COL13A1: variants seen among roughly 807,000 people sequenced by gnomAD.
The protein encoded by COL13A1 is collagen alpha-1(XIII) chain.
Under a neutral mutation model 130.9 loss-of-function variants are expected in COL13A1, and 89 were observed. The ratio of observed to expected loss-of-function variants is 0.68; its 90% CI spans 0.57 to 0.81. The LOEUF is 0.81. Ranked by LOEUF, COL13A1 falls within the 30% of genes least tolerant of loss-of-function variation. The pLI is 0.00. For synonymous variants in COL13A1, 402 were observed against 341.6 expected, an observed-to-expected ratio of 1.18 and a Z score of -1.95; for missense variants, 879 against 934.6, an observed-to-expected ratio of 0.94 and a Z score of 0.78.
chr10:69,854,918 C>T (rs1480580062), intron 2 of COL13A1, among the ~76,000 whole-genome samples: 3 of 152,132 alleles, frequency 2.0e-5, no homozygotes, highest in Non-Finnish European at 4.4e-5. Flanking sequence ...GGGTACTGTA[C>T]AGCTTTGTCA....
In COL13A1 at chr10:69,919,741, T is replaced by A. The variant is rs2064382908; in HGVS notation, c.1089+14T>A. On this transcript the variant is annotated intron_variant, in intron 21 of 40. Coordinates refer to ENST00000645393, the MANE Select transcript of COL13A1 (RefSeq NM_001368882.1). ...AGGGGGCAGAGGGTAGGATATCGTG[T>A]ATTTGAGTGTGTGCCCCTTCATCCT... is the stretch of plus-strand genomic sequence containing the variant. 2 of 398,582 alleles carry A rather than the reference T, an allele frequency of 5.0e-6. No homozygotes were observed. The highest frequency in any genetic ancestry group is 8.8e-6 in the Non-Finnish European group (2 of 226,146). 24.7% of individuals were successfully genotyped at this position (398,582 alleles called of 1,614,324 possible). A position where few individuals can be genotyped will look rare whatever the true frequency, so the allele number is the denominator to read the frequency against.
chr10:69,850,728 A>G (rs1854538366), intron 2 of COL13A1, among the ~76,000 whole-genome samples: 1 of 134,980 alleles, frequency 7.4e-6, no homozygotes, highest in Admixed American at 7.7e-5. Context: ...AGGGGAGGGG[A>G]AGAGAGAGAA....
intron 2 of COL13A1, chr10:69,860,835 T>C (rs547647198): frequency 1.2e-5 from 2 of 169,942 alleles, no homozygotes; most frequent in South Asian, 1.9e-4. Flanking sequence ...CTCTGCCTGC[T>C]CAAACTGTCT....
At position 69,825,344 on chromosome 10, in the gene COL13A1, CAGA is replaced by C. The variant is rs1308660023; in HGVS notation, c.364+2909_364+2911del. ...ACAACTTTAAGGCTCCTGATCCTTG[CAGA>C]AGGACTCATACAATTGTCAAGTGCC... On this transcript the variant is annotated intron_variant, in intron 2 of 40. Coordinates refer to ENST00000645393, the MANE Select transcript of COL13A1 (RefSeq NM_001368882.1). 2.6e-5 allele frequency among the ~76,000 whole-genome samples: 4 copies of C among 152,326 alleles called. No homozygotes were observed. The East Asian group carries it at 7.7e-4, about 29-fold the overall frequency.
At chr10:69,839,546 GC>G (rs1220028501) in intron 2 of COL13A1, among the ~76,000 whole-genome samples, 4 of 152,308 alleles carry the variant, frequency 2.6e-5, no homozygotes, top group African/African-American at 7.2e-5. Flanking sequence ...GACAAGGGGA[GC>G]CCACCACGCA....
chr10:69,884,613 T>C (rs1210869725), intron 7 of COL13A1, among the ~76,000 whole-genome samples: 1 of 152,218 alleles, frequency 6.6e-6, no homozygotes, highest in Non-Finnish European at 1.5e-5. Flanking sequence ...ACTCTGACCT[T>C]GAATTAAGGG....
intron 2 of COL13A1, among the ~76,000 whole-genome samples, chr10:69,823,066 A>G (rs894649535): frequency 3.9e-5 from 6 of 152,226 alleles, no homozygotes; most frequent in Non-Finnish European, 7.3e-5. Flanking sequence ...CTAGCTCTGT[A>G]TGGGTGGAGC....
intron 30 of COL13A1, among the ~76,000 whole-genome samples, 164 bp from the exon 31 acceptor site, chr10:69,932,396 T>A (rs1217847312): frequency 6.6e-6 from 1 of 152,118 alleles, no homozygotes; most frequent in Non-Finnish European, 1.5e-5. Context: ...TACTAGAGCC[T>A]CAGATTCTGT....
chr10:69,937,827 T>C lies in COL13A1; in HGVS notation c.1878+112T>C, dbSNP rs116687762. On this transcript the variant is annotated intron_variant, in intron 34 of 40. Coordinates refer to ENST00000645393, the MANE Select transcript of COL13A1 (RefSeq NM_001368882.1). The stretch of plus-strand genomic sequence containing the variant: ...GGTTCTAGAGTCTGAGCATCCAGAG[T>C]TCCATGTGGTTTGTCTTTCCCACCT... The C allele has an allele frequency of 4.7e-4, 291 of 621,622 alleles. No homozygotes were observed. In the African/African-American group the frequency reaches 4.9e-3, roughly 11 times the overall value. 38.5% of individuals were successfully genotyped at this position (621,622 alleles called of 1,614,324 possible). A position where few individuals can be genotyped will look rare whatever the true frequency, so the allele number is the denominator to read the frequency against.
chr10:69,869,997 T>C (rs899208935), intron 3 of COL13A1, among the ~76,000 whole-genome samples: 1 of 152,222 alleles, frequency 6.6e-6, no homozygotes, highest in South Asian at 2.1e-4. Context: ...ATTATGAGCA[T>C]GGGCTCTGGG....
rs537569651 is a variant in COL13A1, at chr10:69,864,630, T to G, written c.365-3168T>G. 4.1e-4 allele frequency among the ~76,000 whole-genome samples: 62 copies of G among 150,438 alleles called. 3 individuals carry two copies. The South Asian group carries it at 0.013, about 31-fold the overall frequency. On this transcript the variant is annotated intron_variant, in intron 2 of 40. Coordinates refer to ENST00000645393, the MANE Select transcript of COL13A1 (RefSeq NM_001368882.1). ...TCACACAGTAGGCATTGTTAAGTGTTTGTTGAATGAACGAACATACAAAAA... is the reference window on the plus strand; with the variant it reads ...TCACACAGTAGGCATTGTTAAGTGTGTGTTGAATGAACGAACATACAAAAA...
Position 69,875,318 on chromosome 10 carries a change from G to C in COL13A1, c.435+155G>C, listed in dbSNP as rs2683558. On this transcript the variant is annotated intron_variant, in intron 5 of 40. Transcript: ENST00000645393. The stretch of plus-strand genomic sequence containing the variant: ...AGCCCCAGTGTGCTTTAGGGAGGGA[G>C]AAGAAAGGAGAAGGGAAGTTGTATT... 0.72 allele frequency among the ~76,000 whole-genome samples: 110,170 copies of C among 152,114 alleles called. 41,242 individuals carry two copies. Among genetic ancestry groups the C allele is most frequent in the East Asian group, 0.99 (5,143 of 5,182 alleles).
intron 38 of COL13A1, among the ~76,000 whole-genome samples, chr10:69,947,873 C>T (rs762163979): frequency 5.9e-5 from 9 of 152,364 alleles, no homozygotes; most frequent in East Asian, 5.8e-4. Context: ...CCTTCTCAGA[C>T]CCTTGCTGTC....
chr10:69,846,242 A>G (rs1227751), intron 2 of COL13A1, among the ~76,000 whole-genome samples: 101,382 of 152,126 alleles, frequency 0.67, 34,090 homozygotes, highest in East Asian at 0.83. Context: ...GTCCCAAGAC[A>G]GGGTCCTGGA....
At chr10:69,863,762 C>T (rs966350733) in intron 2 of COL13A1, among the ~76,000 whole-genome samples, 2 of 152,150 alleles carry the variant, frequency 1.3e-5, no homozygotes, top group Non-Finnish European at 2.9e-5. Context: ...CCAGGCCCTA[C>T]CATATGGAAA....
At chr10:69,852,103 C>G (rs1350878696) in intron 2 of COL13A1, among the ~76,000 whole-genome samples, 2 of 152,166 alleles carry the variant, frequency 1.3e-5, no homozygotes, top group African/African-American at 4.8e-5. Flanking sequence ...CTTGGACTCT[C>G]TCGTGCCGCC....
chr10:69,928,163 T>C (rs2065627739), intron 27 of COL13A1, among the ~76,000 whole-genome samples: 2 of 152,160 alleles, frequency 1.3e-5, no homozygotes, highest in Admixed American at 1.3e-4. Context: ...ATAATAATAA[T>C]GTGAAATAGC....
chr10:69,945,337 C>G (rs1018193970), intron 36 of COL13A1, among the ~76,000 whole-genome samples: 1 of 152,242 alleles, frequency 6.6e-6, no homozygotes, highest in African/African-American at 2.4e-5. Flanking sequence ...AAGCAAAGCT[C>G]TCTTTCTCTT....
intron 3 of COL13A1, among the ~76,000 whole-genome samples, chr10:69,870,275 AT>A (rs147787104): frequency 2.7e-5 from 4 of 150,940 alleles, no homozygotes; most frequent in Admixed American, 6.6e-5. Flanking sequence ...CAAACCTTTA[AT>A]TTTTTTTTCT....
Sources: allele counts gnomAD v4.1 joint callset (sites outside exome capture counted in the v4.1 genomes callset), GRCh38; gene constraint gnomAD v4.1.1; transcripts MANE v1.5; gene names NCBI Gene and HGNC (gene_info 2026-07-23, HGNC 2026-07-21).